The following NEDD9 variants were observed in gnomAD, a reference collection of about 807,000 sequenced individuals.
NEDD9 encodes the protein enhancer of filamentation 1.
NEDD9 carries 26 observed loss-of-function variants against 76.6 expected under a neutral mutation model. That is an observed-to-expected ratio of 0.34 (90% CI 0.25 to 0.47). The LOEUF (loss-of-function observed/expected upper bound fraction) is 0.47. NEDD9 is among the 20% of genes least tolerant of loss of function. The probability of loss-of-function intolerance (pLI) is 1.00; values close to 1 mark genes in which losing one functional copy is unlikely to be tolerated. For missense variants in NEDD9, 937 were observed against 1,058.5 expected (o/e 0.89, Z 1.59); for synonymous variants, 392 against 414.2 (o/e 0.95, Z 0.65).
intron 3 of NEDD9, among the ~76,000 whole-genome samples, chr6:11,276,970 C>T (rs1450504063): frequency 6.7e-6 from 1 of 149,052 alleles, no homozygotes. Flanking sequence ...AACAAACAAA[C>T]TAGTGATGGA....
intron 1 of NEDD9, among the ~76,000 whole-genome samples, chr6:11,222,108 AAAG>A (rs1320090917): frequency 4.6e-5 from 7 of 152,250 alleles, no homozygotes; most frequent in African/African-American, 1.7e-4. Context: ...AAGGTGTTTG[AAAG>A]AAGAAAAAGA....
At chr6:11,316,235 C>T (rs747296310) in intron 2 of NEDD9, among the ~76,000 whole-genome samples, 2 of 152,342 alleles carry the variant, frequency 1.3e-5, no homozygotes, top group Admixed American at 6.5e-5. Context: ...GAAGGCTTTG[C>T]TTCCCCAGAC....
At chr6:11,192,292 C>A in intron 4 of NEDD9, 53 bp downstream of exon 4, 1 of 546,352 alleles carries the variant, frequency 1.8e-6, no homozygotes, top group Non-Finnish European at 3.0e-6. Flanking sequence ...CACCCCCCGA[C>A]ACACAGACAC....
At chr6:11,280,239 C>T (rs1030485789) in intron 3 of NEDD9, among the ~76,000 whole-genome samples, 1 of 152,170 alleles carries the variant, frequency 6.6e-6, no homozygotes, top group African/African-American at 2.4e-5. Context: ...GTATGGAGAC[C>T]TTAGCTTTCC....
intron 5 of NEDD9, 72 bp from the exon 6 acceptor site, chr6:11,188,379 G>T: frequency 8.0e-7 from 1 of 1,247,658 alleles, no homozygotes; most frequent in Non-Finnish European, 1.2e-6. Context: ...TTTCATTGAC[G>T]GATGAGTAAA....
At chr6:11,323,675 C>G (rs563821644) in intron 2 of NEDD9, among the ~76,000 whole-genome samples, 1 of 152,328 alleles carries the variant, frequency 6.6e-6, no homozygotes, top group South Asian at 2.1e-4. Context: ...AAACACTGCT[C>G]TAAGCTAATG....
intron 1 of NEDD9, among the ~76,000 whole-genome samples, chr6:11,369,569 G>A (rs1762825306): frequency 6.6e-6 from 1 of 152,104 alleles, no homozygotes; most frequent in Non-Finnish European, 1.5e-5. Context: ...ACAAAGCAAC[G>A]TAAACTCATT....
chr6:11,268,636 G>A (rs1227240857), intron 3 of NEDD9, among the ~76,000 whole-genome samples: 3 of 151,964 alleles, frequency 2.0e-5, no homozygotes, highest in African/African-American at 7.2e-5. Flanking sequence ...GCTGAGGCAG[G>A]AGAATCACTT....
chr6:11,184,801 A>G lies in NEDD9; in HGVS notation c.*361T>C, dbSNP rs181824747. On this transcript the variant is annotated 3_prime_UTR_variant, in exon 7 of 7. Coordinates refer to ENST00000379446, the MANE Select transcript of NEDD9 (RefSeq NM_006403.4). ...TTAACAACAACAAAAAAAATGCAGC[A>G]TTAGAAGGTGCTTACTAAGGTGCTT... The G allele has an allele frequency of 1.3e-3, 229 of 175,570 alleles. No homozygotes were observed. The highest frequency in any genetic ancestry group is 5.1e-3 in the African/African-American group (215 of 42,034). The allele number at this position is 175,570 out of a possible 1,614,324, so 10.9% of individuals were successfully genotyped here. A position where few individuals can be genotyped will look rare whatever the true frequency, so the allele number is the denominator to read the frequency against.
intron 2 of NEDD9, among the ~76,000 whole-genome samples, chr6:11,314,627 T>G (rs1190153722): frequency 6.6e-6 from 1 of 152,210 alleles, no homozygotes; most frequent in Non-Finnish European, 1.5e-5. Context: ...CCATCCAGTC[T>G]ATGTTTTTTC....
chr6:11,184,404 C>T lies in NEDD9; in HGVS notation c.*758G>A, dbSNP rs1345324924. 1 of 152,170 alleles carries T rather than the reference C, an allele frequency of 6.6e-6. No homozygotes were observed. The highest frequency in any genetic ancestry group is 1.5e-5 in the Non-Finnish European group (1 of 68,034). 9.4% of individuals were successfully genotyped at this position (152,170 alleles called of 1,614,324 possible). A position where few individuals can be genotyped will look rare whatever the true frequency, so the allele number is the denominator to read the frequency against. ...CCACTCACAAATGCAGAAGATTGAA[C>T]AGCCCCAGGGAGGCAATTGCTCTCC... is the stretch of plus-strand genomic sequence containing the variant. On this transcript the variant is annotated 3_prime_UTR_variant, in exon 7 of 7. Coordinates refer to ENST00000379446, the MANE Select transcript of NEDD9 (RefSeq NM_006403.4).
At chr6:11,268,962 TAGAG>T (rs1351274832) in intron 3 of NEDD9, among the ~76,000 whole-genome samples, 2 of 152,236 alleles carry the variant, frequency 1.3e-5, no homozygotes, top group South Asian at 2.1e-4. Context: ...TTTGTGAACT[TAGAG>T]AGGTCAAGTA....
At chr6:11,226,325 C>T (rs924462563) in intron 1 of NEDD9, among the ~76,000 whole-genome samples, 4 of 152,086 alleles carry the variant, frequency 2.6e-5, no homozygotes, top group Admixed American at 6.6e-5. Context: ...CCTAGGAAAC[C>T]GTCAGTTACT....
At chr6:11,312,707 TA>T (rs1561829063) in intron 2 of NEDD9, among the ~76,000 whole-genome samples, 25 of 147,738 alleles carry the variant, frequency 1.7e-4, no homozygotes, top group African/African-American at 4.7e-4. Flanking sequence ...TATATATATA[TA>T]TATTTTTAAA....
chr6:11,303,271 T>C (rs929145013), intron 3 of NEDD9, among the ~76,000 whole-genome samples: 5 of 152,068 alleles, frequency 3.3e-5, no homozygotes, highest in Non-Finnish European at 2.9e-5. Context: ...TCACAATTAC[T>C]ACAAAAAGAA....
In NEDD9 at chr6:11,232,418, G is replaced by A. The variant is rs191109620; in HGVS notation, c.12+86C>T. ...AACTCTCCGGGACACACAAGGGACT[G>A]ACAGTAAGGAACACGCATACACAAG... is the stretch of plus-strand genomic sequence containing the variant. On this transcript the variant is annotated intron_variant, in intron 1 of 6. Transcript: ENST00000379446. 1,163 of 1,522,432 alleles carry A rather than the reference G, an allele frequency of 7.6e-4. 1 individual carries two copies. The highest frequency in any genetic ancestry group is 9.8e-4 in the Non-Finnish European group (1,071 of 1,097,580). 94.3% of individuals were successfully genotyped at this position (1,522,432 alleles called of 1,614,324 possible).
In NEDD9 at chr6:11,355,417, A is replaced by G. The variant is rs146449249; in HGVS notation, c.-213-20856T>C. 3.9e-3 allele frequency among the ~76,000 whole-genome samples: 592 copies of G among 152,354 alleles called. 3 individuals are homozygous for G. Among genetic ancestry groups the G allele is most frequent in the Non-Finnish European group, 6.8e-3 (466 of 68,032 alleles). On this transcript the variant is annotated intron_variant, in intron 1 of 3. Transcript: ENST00000397378. ...GCAGTAATATGGTATAATAGCAACA[A>G]CAACAACAATAATAAATCAGCCAAA...
At chr6:11,369,832 G>A (rs992721390) in intron 1 of NEDD9, among the ~76,000 whole-genome samples, 2 of 152,052 alleles carry the variant, frequency 1.3e-5, no homozygotes, top group African/African-American at 4.8e-5. Flanking sequence ...TCCAAAGTGT[G>A]GATTGCCAAA....
intron 2 of NEDD9, among the ~76,000 whole-genome samples, chr6:11,325,974 C>T (rs1284967048): frequency 6.6e-6 from 1 of 152,030 alleles, no homozygotes; most frequent in Non-Finnish European, 1.5e-5. Context: ...GGCGAAACCC[C>T]GTCTCTACTA....
Sources: allele counts gnomAD v4.1 joint callset (sites outside exome capture counted in the v4.1 genomes callset), GRCh38; gene constraint gnomAD v4.1.1; transcripts MANE v1.5; gene names NCBI Gene and HGNC (gene_info 2026-07-23, HGNC 2026-07-21).